Variants in RAB10 observed in about 807,000 individuals in gnomAD.
The protein encoded by RAB10 is ras-related protein Rab-10.
Under a neutral mutation model 25.7 loss-of-function variants are expected in RAB10, and 5 were observed. The observed-to-expected ratio is 0.19, with a 90% confidence interval of 0.10 to 0.41. The LOEUF (loss-of-function observed/expected upper bound fraction) is 0.41. RAB10 is among the 10% of genes least tolerant of loss of function. RAB10 has a pLI of 1.00. For missense variants in RAB10, 103 were observed against 245.8 expected (o/e 0.42, Z 3.89); for synonymous variants, 89 against 86.4 (o/e 1.03, Z -0.16).
intron 5 of RAB10, among the ~76,000 whole-genome samples, chr2:26,128,472 T>C (rs1005271466): frequency 6.6e-6 from 1 of 152,178 alleles, no homozygotes; most frequent in Admixed American, 6.5e-5. Context: ...GTGGTAACCA[T>C]TAATATTCTG....
chr2:26,085,536 ACC>A (rs1236270183), intron 1 of RAB10, among the ~76,000 whole-genome samples: 1 of 151,670 alleles, frequency 6.6e-6, no homozygotes, highest in African/African-American at 2.4e-5. Context: ...CTTTCAGGTC[ACC>A]AGCTTGACCT....
intron 1 of RAB10, among the ~76,000 whole-genome samples, chr2:26,060,816 T>G (rs1666377438): frequency 6.6e-6 from 1 of 152,144 alleles, no homozygotes; most frequent in African/African-American, 2.4e-5. Flanking sequence ...AAAGTAAAAC[T>G]TACTAGTTAC....
chr2:26,043,753 AGT>A (rs1290865163), intron 1 of RAB10, among the ~76,000 whole-genome samples: 1 of 152,162 alleles, frequency 6.6e-6, no homozygotes, highest in Non-Finnish European at 1.5e-5. Context: ...AGTAATGGGG[AGT>A]TATTGCTTAA....
intron 1 of RAB10, among the ~76,000 whole-genome samples, chr2:26,084,060 GTGTTTCTTGA>G (rs1454460442): frequency 6.6e-6 from 1 of 152,148 alleles, no homozygotes; most frequent in Admixed American, 6.5e-5. Flanking sequence ...AATGCTCCCT[GTGTTTCTTGA>G]ACATGCCAAA....
At chr2:26,068,322 G>A (rs1449631366) in intron 1 of RAB10, among the ~76,000 whole-genome samples, 2 of 152,176 alleles carry the variant, frequency 1.3e-5, no homozygotes, top group African/African-American at 4.8e-5. Flanking sequence ...TCCATGCTAA[G>A]GATTCGAATT....
chr2:26,111,475 A>G (rs1667570813), intron 3 of RAB10, among the ~76,000 whole-genome samples: 1 of 152,008 alleles, frequency 6.6e-6, no homozygotes, highest in Admixed American at 6.6e-5. Flanking sequence ...GGGGTGGCAC[A>G]TGCCTGTAAT....
At position 26,059,924 on chromosome 2, in the gene RAB10, G is replaced by GT. The variant is rs200019668; in HGVS notation, c.127+25197dup. On this transcript the variant is annotated intron_variant, in intron 1 of 5. Transcript: ENST00000264710. ...CTTTGATGTGTTTTAAATTATGTGG[G>GT]TTTTTTTTACCACAATAAAAATATT... 1.6e-3 allele frequency among the ~76,000 whole-genome samples: 241 copies of GT among 152,034 alleles called. 4 individuals carry two copies. In the East Asian group the frequency reaches 0.035, roughly 22 times the overall value.
chr2:26,079,324 A>ACAC (rs1553726198), intron 1 of RAB10, among the ~76,000 whole-genome samples: 5,601 of 92,606 alleles, frequency 0.06, 135 homozygotes, highest in Non-Finnish European at 0.074. Flanking sequence ...CACACACACA[A>ACAC]ACACACACAC....
chr2:26,107,524 G>C (rs557205395), intron 2 of RAB10, among the ~76,000 whole-genome samples: 1 of 151,946 alleles, frequency 6.6e-6, no homozygotes, highest in Admixed American at 6.6e-5. Flanking sequence ...GGCCAGCCAC[G>C]GTGGCTCACG....
chr2:26,041,778 C>T (rs1470276572), intron 1 of RAB10, among the ~76,000 whole-genome samples: 1 of 151,406 alleles, frequency 6.6e-6, no homozygotes. Flanking sequence ...GTGGCGCATG[C>T]CTGTAATCTC....
intron 3 of RAB10, among the ~76,000 whole-genome samples, chr2:26,126,246 T>C (rs572420088): frequency 5.3e-5 from 8 of 152,330 alleles, no homozygotes; most frequent in Non-Finnish European, 7.4e-5. Flanking sequence ...TCCACACTTT[T>C]TGATTTGCAG....
intron 5 of RAB10, among the ~76,000 whole-genome samples, chr2:26,130,396 T>C (rs1410524276): frequency 6.6e-6 from 1 of 151,972 alleles, no homozygotes; most frequent in Non-Finnish European, 1.5e-5. Context: ...ATGCTGGCCA[T>C]AGCCTCAAAT....
intron 1 of RAB10, among the ~76,000 whole-genome samples, chr2:26,071,373 T>C (rs1022631941): frequency 3.3e-5 from 5 of 152,184 alleles, no homozygotes; most frequent in Non-Finnish European, 5.9e-5. Context: ...TTGTTGCCAC[T>C]GATAAAATTT....
chr2:26,034,465 G>T lies in RAB10; in HGVS notation c.-144G>T. On this transcript the variant is annotated 5_prime_UTR_variant, in exon 1 of 6. Coordinates refer to ENST00000264710, the MANE Select transcript of RAB10 (RefSeq NM_016131.5). Reference sequence around the variant, plus strand: ...TGTCGGGGCTTCCTCAAAGCTGTTCGTAGGTCGCCCGCGCCGTCTCGAGCC... The same window carrying T: ...TGTCGGGGCTTCCTCAAAGCTGTTCTTAGGTCGCCCGCGCCGTCTCGAGCC... 1.1e-5 allele frequency: 12 copies of T among 1,126,066 alleles called. No individual in the cohort carries two copies. The highest frequency in any genetic ancestry group is 1.5e-5 in the Non-Finnish European group (12 of 804,856). The allele number at this position is 1,126,066 out of a possible 1,614,324, so 69.8% of individuals were successfully genotyped here. A position where few individuals can be genotyped will look rare whatever the true frequency, so the allele number is the denominator to read the frequency against.
At chr2:26,098,448 G>A (rs1667275016) in intron 1 of RAB10, 1 of 484,250 alleles carries the variant, frequency 2.1e-6, no homozygotes. Flanking sequence ...CCAAAACTTG[G>A]TCTTTTCTGT....
chr2:26,116,688 C>G (rs1167667802), intron 3 of RAB10, among the ~76,000 whole-genome samples: 1 of 150,826 alleles, frequency 6.6e-6, no homozygotes, highest in Non-Finnish European at 1.5e-5. Flanking sequence ...TCCCGAGTAG[C>G]TGGGACTACA....
intron 1 of RAB10, among the ~76,000 whole-genome samples, chr2:26,053,059 G>C (rs2149264682): frequency 6.6e-6 from 1 of 152,210 alleles, no homozygotes; most frequent in East Asian, 1.9e-4. Context: ...TATATTTCTT[G>C]TTTTCTCTAT....
At chr2:26,102,428 C>T (rs201610093) in intron 2 of RAB10, among the ~76,000 whole-genome samples, 46 of 139,932 alleles carry the variant, frequency 3.3e-4, no homozygotes, top group African/African-American at 4.3e-4. Flanking sequence ...TTTTTTTTTT[C>T]TTTTTTCTTT....
intron 3 of RAB10, among the ~76,000 whole-genome samples, chr2:26,117,964 G>T (rs1008354062): frequency 6.6e-6 from 1 of 152,120 alleles, no homozygotes; most frequent in Admixed American, 6.5e-5. Flanking sequence ...TTCTCTAATA[G>T]ATATAAAAAG....
Sources: allele counts gnomAD v4.1 joint callset (sites outside exome capture counted in the v4.1 genomes callset), GRCh38; gene constraint gnomAD v4.1.1; transcripts MANE v1.5; gene names NCBI Gene and HGNC (gene_info 2026-07-23, HGNC 2026-07-21).